The following SLC13A5 variants were observed in gnomAD, a reference collection of about 807,000 sequenced individuals.
The protein encoded by SLC13A5 is solute carrier family 13 member 5, also known as Na(+)/citrate cotransporter.
A neutral mutation model predicts 56.5 loss-of-function variants in SLC13A5; 25 were observed. That is an observed-to-expected ratio of 0.44 (90% CI 0.32 to 0.62). The LOEUF (loss-of-function observed/expected upper bound fraction) is 0.62, where lower values mean the gene tolerates loss of function less well. SLC13A5 is among the 20% of genes least tolerant of loss of function. The pLI is 0.04. For missense variants in SLC13A5, 649 were observed against 737.8 expected (o/e 0.88, Z 1.39); for synonymous variants, 307 against 301.5 (o/e 1.02, Z -0.19).
chr17:6,690,980 G>A (rs1309250198), intron 9 of SLC13A5, 40 bp from the exon 10 acceptor site: 42 of 1,566,618 alleles, frequency 2.7e-5, no homozygotes, highest in Non-Finnish European at 3.5e-5. Flanking sequence ...AGCGCTCCCA[G>A]CTTGCAGTTC....
In SLC13A5 at chr17:6,692,921, A is replaced by C; in HGVS notation, c.1275+123T>G. ...CAAGACAGAGTCCATGTCCTCAAGG[A>C]ATGTGCGGTTATACGAAGGATGCAG... is the stretch of plus-strand genomic sequence containing the variant. On this transcript the variant is annotated intron_variant, in intron 9 of 11. Coordinates refer to ENST00000433363, the MANE Select transcript of SLC13A5 (RefSeq NM_177550.5). This position sits in a 1 kb window ranked among gnomAD's most constrained non-coding sequence, Gnocchi z 5.5. 1.3e-6 allele frequency: 1 copy of C among 755,946 alleles called. No individual in the cohort carries two copies. The highest frequency in any genetic ancestry group is 2.4e-6 in the Non-Finnish European group (1 of 421,280). 46.8% of individuals were successfully genotyped at this position (755,946 alleles called of 1,614,324 possible).
At chr17:6,712,714 A>C (rs1974072652) in intron 1 of SLC13A5, among the ~76,000 whole-genome samples, 1 of 152,318 alleles carries the variant, frequency 6.6e-6, no homozygotes, top group South Asian at 2.1e-4. Context: ...TGGCAAAGAC[A>C]GCGCAGGATC....
rs763081954 is a variant in SLC13A5 at position 6,706,791 on chromosome 17, A to G, written c.232-13T>C. ...ACTGGACACACACCTGGAGCGTGGC[A>G]CGAAGGCCTCATCAGGACTGTCCCT... On this transcript the variant is annotated splice_polypyrimidine_tract_variant and intron_variant, in intron 2 of 11. Transcript: ENST00000433363. 6.2e-7 allele frequency: 1 copy of G among 1,613,854 alleles called. No homozygotes were observed. The highest frequency in any genetic ancestry group is 1.1e-5 in the South Asian group (1 of 91,066).
chr17:6,698,477 C>A (rs184785940), intron 6 of SLC13A5, among the ~76,000 whole-genome samples: 21 of 152,330 alleles, frequency 1.4e-4, no homozygotes, highest in African/African-American at 5.1e-4. Flanking sequence ...GGTTCTAGGG[C>A]AGCCCCGGCC....
Position 6,685,931 on chromosome 17 carries a change from G to T in SLC13A5, c.*276C>A, listed in dbSNP as rs1252048747. ...TGCATCCTGATCCCTCGGCTACCTG[G>T]CCTCCCTCACAGAGATAATGGCAAG... On this transcript the variant is annotated 3_prime_UTR_variant, in exon 12 of 12. Transcript: ENST00000433363. The surrounding 1 kb of genome is among the most constrained non-coding windows in gnomAD (Gnocchi z 4.2). 6.9e-6 allele frequency: 3 copies of T among 437,378 alleles called. No individual in the cohort carries two copies. Among genetic ancestry groups the T allele is most frequent in the East Asian group, 4.2e-5 (1 of 23,882 alleles). 27.1% of individuals were successfully genotyped at this position (437,378 alleles called of 1,614,324 possible). A position where few individuals can be genotyped will look rare whatever the true frequency, so the allele number is the denominator to read the frequency against.
Position 6,686,076 on chromosome 17 carries a change from G to A in SLC13A5, c.*131C>T. ...TGGAGGAAGAGGTGGCCCATTGGCT[G>A]GGTTTTGGTGGTGTGTGGACATCGT... On this transcript the variant is annotated 3_prime_UTR_variant, in exon 12 of 12. Transcript: ENST00000433363. The A allele has an allele frequency of 1.5e-6, 2 of 1,334,984 alleles. No individual in the cohort carries two copies. The highest frequency in any genetic ancestry group is 2.7e-5 in the South Asian group (2 of 74,132). The allele number at this position is 1,334,984 out of a possible 1,614,324, so 82.7% of individuals were successfully genotyped here. A position where few individuals can be genotyped will look rare whatever the true frequency, so the allele number is the denominator to read the frequency against.
chr17:6,704,092 C>A, intron 3 of SLC13A5, 36 bp from the exon 4 acceptor site: 11 of 1,581,422 alleles, frequency 7.0e-6, no homozygotes, highest in Non-Finnish European at 9.4e-6. Context: ...GCCAGAGAAT[C>A]CCCACCCCAC....
In SLC13A5 at chr17:6,687,384, G is replaced by C; in HGVS notation, c.1575+145C>G. 9.2e-7 allele frequency: 1 copy of C among 1,081,730 alleles called. No individual in the cohort carries two copies. The highest frequency in any genetic ancestry group is 1.4e-6 in the Non-Finnish European group (1 of 737,574). The allele number at this position is 1,081,730 out of a possible 1,614,324, so 67.0% of individuals were successfully genotyped here. ...AAAGAAGAAAAGCTGCATTATAAAT[G>C]TCAACAATGGCTACAGGTCTGGATG... On this transcript the variant is annotated intron_variant, in intron 11 of 11. Coordinates refer to ENST00000433363, the MANE Select transcript of SLC13A5 (RefSeq NM_177550.5). The surrounding 1 kb of genome is among the most constrained non-coding windows in gnomAD (Gnocchi z 5.0).
chr17:6,695,854 C>T lies in SLC13A5; in HGVS notation c.927G>A (p.Leu309=), dbSNP rs141287518. 2.4e-5 allele frequency: 38 copies of T among 1,614,168 alleles called. No homozygotes were observed. In the Admixed American group the frequency reaches 5.0e-4, roughly 21 times the overall value. ...TGATCTCCGCGAAGGACAAGGGCCCCAGCTTCCGGTACTCCTCCTGCAGCA... is the reference window on the plus strand; with the variant it reads ...TGATCTCCGCGAAGGACAAGGGCCCTAGCTTCCGGTACTCCTCCTGCAGCA... The part of the protein sequence containing the change: ...LKVLQEEYRK[L]GPLSFAEINV... The change falls in exon 7 of 12, where the codon CTG becomes CTA. Residue 309 remains leucine, a synonymous_variant. Transcript: ENST00000433363.
intron 9 of SLC13A5, among the ~76,000 whole-genome samples, chr17:6,691,952 A>G (rs80022855): frequency 0.013 from 1,909 of 152,086 alleles, 49 homozygotes; most frequent in African/African-American, 0.044. Context: ...TAAATACCTC[A>G]CATTTTTCCC....
chr17:6,710,235 G>T (rs1416339099), intron 1 of SLC13A5, among the ~76,000 whole-genome samples: 1 of 152,196 alleles, frequency 6.6e-6, no homozygotes, highest in Non-Finnish European at 1.5e-5. Context: ...AGGGCGCATT[G>T]GAGAGAATTT....
At chr17:6,704,372 T>G in intron 3 of SLC13A5, 2 of 472,934 alleles carry the variant, frequency 4.2e-6, no homozygotes, top group Non-Finnish European at 4.1e-6. Context: ...CCCCACCATC[T>G]AGCAGGGGAA....
At chr17:6,693,593 A>G (rs1597660531) in intron 8 of SLC13A5, 2 of 160,250 alleles carry the variant, frequency 1.2e-5, no homozygotes, top group African/African-American at 4.8e-5. Context: ...GTTCTATAAC[A>G]GGAGAATGAT....
chr17:6,712,213 C>A (rs1002329242), intron 1 of SLC13A5, among the ~76,000 whole-genome samples: 1 of 152,050 alleles, frequency 6.6e-6, no homozygotes, highest in African/African-American at 2.4e-5. Flanking sequence ...CTCTAGAGCT[C>A]CCCCCCAGAG....
intron 5 of SLC13A5, 135 bp downstream of exon 5, chr17:6,702,835 C>G: frequency 9.1e-7 from 1 of 1,102,836 alleles, no homozygotes; most frequent in Non-Finnish European, 1.3e-6. Context: ...CTTTCCACCC[C>G]TGCCAGGCTC....
At position 6,692,930 on chromosome 17, in the gene SLC13A5, T is replaced by C; in HGVS notation, c.1275+114A>G. ...GTCCATGTCCTCAAGGAATGTGCGG[T>C]TATACGAAGGATGCAGGCACAGAAA... On this transcript the variant is annotated intron_variant, in intron 9 of 11. Coordinates refer to ENST00000433363, the MANE Select transcript of SLC13A5 (RefSeq NM_177550.5). The surrounding 1 kb of genome is among the most constrained non-coding windows in gnomAD (Gnocchi z 5.5). 6.2e-6 allele frequency: 5 copies of C among 801,328 alleles called. No homozygotes were observed. Among genetic ancestry groups the C allele is most frequent in the Non-Finnish European group, 1.1e-5 (5 of 454,100 alleles). The allele number at this position is 801,328 out of a possible 1,614,324, so 49.6% of individuals were successfully genotyped here. A position where few individuals can be genotyped will look rare whatever the true frequency, so the allele number is the denominator to read the frequency against.
In SLC13A5 at chr17:6,695,742, C is replaced by T. The variant is rs1314571754; in HGVS notation, c.1039G>A (p.Val347Met). 1 of 1,614,130 alleles carries T rather than the reference C, an allele frequency of 6.2e-7. No homozygotes were observed. Among genetic ancestry groups the T allele is most frequent in the Non-Finnish European group, 8.5e-7 (1 of 1,180,024 alleles). The change falls in exon 7 of 12, where the codon GTG becomes ATG. Residue 347 changes from valine to methionine, a missense_variant. Physicochemically the swap from Val to Met is conservative, Grantham distance 21. Coordinates refer to ENST00000433363, the MANE Select transcript of SLC13A5 (RefSeq NM_177550.5). Reference sequence around the variant, plus strand: ...AAGACTTACTTTGTCTCACCCTCCACCCAGGCAACAGTCAGCCAGCCGGGC... The same window carrying T: ...AAGACTTACTTTGTCTCACCCTCCATCCAGGCAACAGTCAGCCAGCCGGGC... ...FMPGWLTVAW[V>M]EGETKYVSDA...
intron 1 of SLC13A5, among the ~76,000 whole-genome samples, chr17:6,709,588 A>G (rs1185405913): frequency 2.0e-5 from 3 of 152,104 alleles, no homozygotes; most frequent in Non-Finnish European, 4.4e-5. Context: ...ATGTTTATTA[A>G]AGGAATCAAT....
chr17:6,693,113 G>T lies in SLC13A5; in HGVS notation c.1206C>A (p.Thr402=), dbSNP rs143869456. The change falls in exon 9 of 12, where the codon ACC becomes ACA. Residue 402 remains threonine, a synonymous_variant. Coordinates refer to ENST00000433363, the MANE Select transcript of SLC13A5 (RefSeq NM_177550.5). ...YPPPLLDWKV[T]QEKVPWGIVL... ...CGATGCCCCAGGGCACTTTCTCCTG[G>T]GTTACCTTCCAATCCAGCAGGGGAG... 1.2e-6 allele frequency: 2 copies of T among 1,609,372 alleles called. No homozygotes were observed. Among genetic ancestry groups the T allele is most frequent in the East Asian group, 2.2e-5 (1 of 44,460 alleles).
Sources: gnomAD v4.1 joint callset for allele counts (sites outside exome capture counted in the v4.1 genomes callset) on GRCh38, gnomAD v4.1.1 for gene constraint, Gnocchi (gnomAD v3.1) non-coding constraint, MANE v1.5 for transcripts, NCBI Gene and HGNC (gene_info 2026-07-23, HGNC 2026-07-21) for gene names.